The following ZNF536 variants were observed in gnomAD, a reference collection of about 807,000 sequenced individuals.
The protein encoded by ZNF536 is zinc finger protein 536.
In ZNF536, 13 loss-of-function variants were observed where a neutral mutation model predicts 84.5. That is an observed-to-expected ratio of 0.15 (90% confidence interval 0.10 to 0.24). The LOEUF is 0.24. ZNF536 is among the 10% of genes least tolerant of loss of function. The pLI, the probability that ZNF536 is intolerant of heterozygous loss-of-function variation, is 1.00. For missense variants in ZNF536, 1,536 were observed against 1,747.5 expected, an observed-to-expected ratio of 0.88 and a Z score of 2.16; for synonymous variants, 811 against 742.5, an observed-to-expected ratio of 1.09 and a Z score of -1.50.
At position 30,649,336 on chromosome 19, in the gene ZNF536, C is replaced by A. The variant is rs138546441; in HGVS notation, c.170-61421C>A. Among the ~76,000 whole-genome samples, 6 of 152,310 alleles carry A rather than the reference C, an allele frequency of 3.9e-5. No homozygotes were observed. The East Asian group carries it at 1.2e-3, about 29-fold the overall frequency. ...GTTTGGATTATATGATATCCCATAA[C>A]TTAATCATATGGCTCTTAACAGGGG... On this transcript the variant is annotated intron_variant, in intron 1 of 1. Coordinates refer to the ZNF536 transcript ENST00000592773.
intron 2 of ZNF536, among the ~76,000 whole-genome samples, chr19:30,327,140 T>C (rs934426259): frequency 1.3e-5 from 2 of 152,164 alleles, no homozygotes; most frequent in Non-Finnish European, 2.9e-5. Context: ...AGTTAATTCA[T>C]TAATAAAAAT....
At chr19:30,551,569 C>T (rs1056568235) in intron 4 of ZNF536, among the ~76,000 whole-genome samples, 34 of 152,192 alleles carry the variant, frequency 2.2e-4, no homozygotes, top group African/African-American at 8.2e-4. Flanking sequence ...GTTGTGCCCC[C>T]CACCCCTCGC....
At chr19:30,310,935 C>G (rs556646535) in intron 2 of ZNF536, among the ~76,000 whole-genome samples, 22 of 152,318 alleles carry the variant, frequency 1.4e-4, no homozygotes, top group African/African-American at 5.1e-4. Flanking sequence ...GTGAGCCCTC[C>G]TGGGCGACTC....
chr19:30,263,115 C>A (rs892920139), intron 1 of ZNF536, among the ~76,000 whole-genome samples: 7 of 152,238 alleles, frequency 4.6e-5, no homozygotes, highest in African/African-American at 1.7e-4. Flanking sequence ...GGGAGGAGGG[C>A]TGCTTGGTGG....
At chr19:30,231,307 G>C (rs895739458) in intron 1 of ZNF536, among the ~76,000 whole-genome samples, 1 of 152,206 alleles carries the variant, frequency 6.6e-6, no homozygotes, top group Non-Finnish European at 1.5e-5. Context: ...CTTAGATTTC[G>C]GCTGGAAGGA....
intron 2 of ZNF536, among the ~76,000 whole-genome samples, chr19:30,288,561 T>A (rs868024091): frequency 6.6e-5 from 10 of 152,192 alleles, no homozygotes; most frequent in Middle Eastern, 3.2e-3. Flanking sequence ...GAGAATGTAC[T>A]GAAGAAAAAA....
At chr19:30,245,690 T>C (rs2144959255) in intron 1 of ZNF536, among the ~76,000 whole-genome samples, 2 of 152,354 alleles carry the variant, frequency 1.3e-5, no homozygotes, top group South Asian at 4.1e-4. Context: ...TTAGCGTTAT[T>C]GCCAAGTTGT....
intron 2 of ZNF536, among the ~76,000 whole-genome samples, chr19:30,499,902 G>A (rs926107488): frequency 6.6e-6 from 1 of 152,114 alleles, no homozygotes; most frequent in Non-Finnish European, 1.5e-5. Context: ...AGATGAGGAC[G>A]AAATGAAGTG....
intron 1 of ZNF536, among the ~76,000 whole-genome samples, chr19:30,274,100 T>G (rs972250544): frequency 1.3e-5 from 2 of 152,222 alleles, no homozygotes; most frequent in Non-Finnish European, 2.9e-5. Flanking sequence ...AAGTGACCCC[T>G]GTAAAGGAGA....
At chr19:30,293,886 G>A (rs1055958363) in intron 2 of ZNF536, among the ~76,000 whole-genome samples, 2 of 152,180 alleles carry the variant, frequency 1.3e-5, no homozygotes, top group Non-Finnish European at 2.9e-5. Flanking sequence ...TGCCTGAGAA[G>A]AGGCAGGAGA....
At chr19:30,536,237 C>T (rs2045074371) in intron 3 of ZNF536, among the ~76,000 whole-genome samples, 1 of 152,162 alleles carries the variant, frequency 6.6e-6, no homozygotes, top group East Asian at 1.9e-4. Flanking sequence ...TCTCCCTGTT[C>T]TTCCAATGCA....
intron 2 of ZNF536, among the ~76,000 whole-genome samples, chr19:30,349,716 C>T (rs1050121602): frequency 1.3e-5 from 2 of 152,060 alleles, no homozygotes; most frequent in African/African-American, 4.8e-5. Flanking sequence ...CATCTTTTTG[C>T]CTGTTACTCT....
chr19:30,636,372 C>A (rs2049065262), intron 1 of ZNF536, among the ~76,000 whole-genome samples: 1 of 152,180 alleles, frequency 6.6e-6, no homozygotes, highest in Non-Finnish European at 1.5e-5. Flanking sequence ...CCTGGCTCCA[C>A]TGTGGCTGAG....
At chr19:30,306,606 T>C (rs2046350167) in intron 2 of ZNF536, among the ~76,000 whole-genome samples, 1 of 152,174 alleles carries the variant, frequency 6.6e-6, no homozygotes, top group African/African-American at 2.4e-5. Flanking sequence ...ATTTGGAAAA[T>C]TGAAAAGTTG....
intron 1 of ZNF536, among the ~76,000 whole-genome samples, chr19:30,563,997 G>T (rs2046265267): frequency 6.6e-6 from 1 of 152,172 alleles, no homozygotes; most frequent in Non-Finnish European, 1.5e-5. Context: ...GGGATGGGGG[G>T]ACCAAGGGAG....
chr19:30,281,827 C>T (rs2045456315), intron 1 of ZNF536, among the ~76,000 whole-genome samples: 2 of 152,158 alleles, frequency 1.3e-5, no homozygotes, highest in African/African-American at 2.4e-5. Flanking sequence ...CTTCCCCTTC[C>T]CACCCCTACT....
chr19:30,649,549 C>CTTTTTTTTTTT (rs35137042), intron 1 of ZNF536, among the ~76,000 whole-genome samples: 1 of 123,882 alleles, frequency 8.1e-6, no homozygotes, highest in African/African-American at 3.0e-5. Flanking sequence ...CAGCATTTTC[C>CTTTTTTTTTTT]TTTTTTTTTT....
At chr19:30,667,316 G>A (rs752767967) in intron 1 of ZNF536, among the ~76,000 whole-genome samples, 1 of 152,208 alleles carries the variant, frequency 6.6e-6, no homozygotes, top group Non-Finnish European at 1.5e-5. Flanking sequence ...CAGAACAGGG[G>A]TGACTTGCAC....
At chr19:30,299,149 C>A (rs1055235738) in intron 2 of ZNF536, among the ~76,000 whole-genome samples, 1 of 152,136 alleles carries the variant, frequency 6.6e-6, no homozygotes, top group Non-Finnish European at 1.5e-5. Flanking sequence ...TGGATGCTCC[C>A]TTGATAAAAA....
Sources: gnomAD v4.1 joint callset for allele counts (sites outside exome capture counted in the v4.1 genomes callset) on GRCh38, gnomAD v4.1.1 for gene constraint, MANE v1.5 for transcripts, NCBI Gene and HGNC (gene_info 2026-07-23, HGNC 2026-07-21) for gene names.